TSPAN7: variants seen among roughly 807,000 people sequenced by gnomAD.
The protein encoded by TSPAN7 is tetraspanin-7.
Under a neutral mutation model 17.6 loss-of-function variants are expected in TSPAN7, and 1 was observed. The observed-to-expected ratio is 0.06, with a 90% CI of 0.02 to 0.27. The LOEUF (loss-of-function observed/expected upper bound fraction) is 0.27. Ranked by LOEUF, TSPAN7 falls within the 10% of genes least tolerant of loss-of-function variation. The pLI is 1.00. For missense variants in TSPAN7, 112 were observed against 201.7 expected (o/e 0.56, Z 2.69); for synonymous variants, 78 against 79.0 (o/e 0.99, Z 0.07).
chrX:38,669,694 A>G (rs2069807798), intron 2 of TSPAN7, among the ~76,000 whole-genome samples: 1 of 112,354 alleles, frequency 8.9e-6, no homozygotes, highest in African/African-American at 3.2e-5. Flanking sequence ...TGCAGTCCTT[A>G]TATAACCTCA....
chrX:38,637,654 T>C (rs1190610764), intron 1 of TSPAN7, among the ~76,000 whole-genome samples: 2 of 112,104 alleles, frequency 1.8e-5, no homozygotes, highest in East Asian at 2.8e-4. Flanking sequence ...CACACAGCAG[T>C]TTGCCAACGT....
chrX:38,603,423 T>C (rs868014012), intron 1 of TSPAN7, among the ~76,000 whole-genome samples: 2 of 111,938 alleles, frequency 1.8e-5, no homozygotes, highest in Admixed American at 9.5e-5. Flanking sequence ...CCCAATAGAG[T>C]TGAAAACATA....
At chrX:38,582,703 G>A (rs896751209) in intron 1 of TSPAN7, among the ~76,000 whole-genome samples, 2 of 112,402 alleles carry the variant, frequency 1.8e-5, no homozygotes, top group Non-Finnish European at 3.8e-5. Flanking sequence ...TCTAAATTTA[G>A]CAGAATGTGT....
chrX:38,686,275 G>T (rs974578180), intron 6 of TSPAN7, among the ~76,000 whole-genome samples: 1 of 112,243 alleles, frequency 8.9e-6, no homozygotes, highest in Non-Finnish European at 1.9e-5. Context: ...TTTGAAAAAG[G>T]AAGATAAGAG....
At chrX:38,581,393 A>T (rs1039327992) in intron 1 of TSPAN7, among the ~76,000 whole-genome samples, 1 of 112,113 alleles carries the variant, frequency 8.9e-6, no homozygotes, top group Non-Finnish European at 1.9e-5. Flanking sequence ...CACATCTTAC[A>T]TGCGGCAGGC....
chrX:38,582,020 G>A (rs1315022685), intron 1 of TSPAN7, among the ~76,000 whole-genome samples: 1 of 112,655 alleles, frequency 8.9e-6, no homozygotes, highest in African/African-American at 3.2e-5. Context: ...TTGGCACATG[G>A]CCAAGTAAAA....
chrX:38,618,426 G>A (rs1389068155), intron 1 of TSPAN7, among the ~76,000 whole-genome samples: 3 of 111,555 alleles, frequency 2.7e-5, no homozygotes, highest in Admixed American at 9.5e-5. Context: ...AATCACACAC[G>A]GACAGATGGT....
chrX:38,564,094 C>A (rs1469972199), intron 1 of TSPAN7, among the ~76,000 whole-genome samples: 1 of 111,070 alleles, frequency 9.0e-6, no homozygotes, highest in Non-Finnish European at 1.9e-5. Flanking sequence ...TCACAAGAAA[C>A]CTGTTTCTTT....
Position 38,629,076 on chromosome X carries a change from A to G in TSPAN7, c.82-37045A>G, listed in dbSNP as rs144610183. On this transcript the variant is annotated intron_variant, in intron 1 of 7. Transcript: ENST00000378482. ...TGTGAGTGATTTTAAATTATCTAGT[A>G]CCCACATTAAAAAGTAAAAAGAAAT... Among the ~76,000 whole-genome samples the G allele has an allele frequency of 3.4e-3, 383 of 112,631 alleles. 3 individuals are homozygous for G. Among genetic ancestry groups the G allele is most frequent in the African/African-American group, 0.012 (371 of 31,026 alleles).
intron 1 of TSPAN7, among the ~76,000 whole-genome samples, chrX:38,650,365 G>A (rs1368289894): frequency 8.9e-6 from 1 of 112,617 alleles, no homozygotes; most frequent in Non-Finnish European, 1.9e-5. Flanking sequence ...TGATGTAAGA[G>A]GTCAGAATAT....
chrX:38,640,496 C>T (rs2069606297), intron 1 of TSPAN7, among the ~76,000 whole-genome samples: 2 of 111,493 alleles, frequency 1.8e-5, no homozygotes, highest in South Asian at 3.8e-4. Context: ...CCAACTTTAC[C>T]CCAAAGCTCT....
intron 1 of TSPAN7, among the ~76,000 whole-genome samples, chrX:38,586,246 A>G (rs1210162135): frequency 8.9e-6 from 1 of 112,349 alleles, no homozygotes; most frequent in Non-Finnish European, 1.9e-5. Context: ...TTCAACCATC[A>G]TTTATGTGTC....
chrX:38,588,592 A>T (rs1351967126), intron 1 of TSPAN7, among the ~76,000 whole-genome samples: 2 of 112,233 alleles, frequency 1.8e-5, no homozygotes, highest in Non-Finnish European at 3.8e-5. Flanking sequence ...TCCACTATGT[A>T]ATCTTGGGAT....
intron 1 of TSPAN7, among the ~76,000 whole-genome samples, chrX:38,620,960 C>T (rs771566678): frequency 6.2e-5 from 7 of 112,045 alleles, no homozygotes; most frequent in African/African-American, 1.6e-4. Context: ...ACTTAAAGCC[C>T]GTTAGAATTA....
intron 1 of TSPAN7, among the ~76,000 whole-genome samples, chrX:38,600,647 G>GT (rs2069341367): frequency 8.9e-6 from 1 of 111,793 alleles, no homozygotes; most frequent in African/African-American, 3.2e-5. Context: ...ATTTAGCAAT[G>GT]TTTTTTGTTT....
intron 1 of TSPAN7, among the ~76,000 whole-genome samples, chrX:38,577,128 A>T (rs934435607): frequency 8.9e-6 from 1 of 111,800 alleles, no homozygotes; most frequent in South Asian, 3.8e-4. Context: ...GTGCTTAAAG[A>T]GCATGGATGA....
intron 3 of TSPAN7, among the ~76,000 whole-genome samples, 186 bp from the exon 4 acceptor site, chrX:38,674,035 C>T (rs919143903): frequency 8.1e-5 from 9 of 111,241 alleles, no homozygotes; most frequent in African/African-American, 2.0e-4. Context: ...TTTTAAATTC[C>T]GGAGCTTAAA....
chrX:38,667,425 T>G (rs892460329), intron 2 of TSPAN7, among the ~76,000 whole-genome samples: 2 of 112,371 alleles, frequency 1.8e-5, no homozygotes, highest in Non-Finnish European at 3.8e-5. Context: ...GGCATCTTAC[T>G]CCGTGAAGGG....
intron 1 of TSPAN7, among the ~76,000 whole-genome samples, chrX:38,662,839 A>G (rs1226094418): frequency 9.1e-6 from 1 of 110,280 alleles, no homozygotes; most frequent in Non-Finnish European, 1.9e-5. Flanking sequence ...TGAGTGCTGG[A>G]AGGGGCGTGT....
Sources: gnomAD v4.1 joint callset for allele counts (sites outside exome capture counted in the v4.1 genomes callset) on GRCh38, gnomAD v4.1.1 for gene constraint, MANE v1.5 for transcripts, NCBI Gene and HGNC (gene_info 2026-07-23, HGNC 2026-07-21) for gene names.